Variants in PRKAR2B observed in about 807,000 individuals in gnomAD.
PRKAR2B encodes protein kinase cAMP-dependent type II regulatory subunit beta, also known as cAMP-dependent protein kinase type II-beta regulatory subunit.
Under a neutral mutation model 49.9 loss-of-function variants are expected in PRKAR2B, and 14 were observed. The observed-to-expected ratio is 0.28, with a 90% CI of 0.19 to 0.44. PRKAR2B has a LOEUF of 0.44. Ranked by LOEUF, PRKAR2B falls within the 20% of genes least tolerant of loss-of-function variation. The probability of loss-of-function intolerance (pLI) is 1.00; values close to 1 mark genes in which losing one functional copy is unlikely to be tolerated. For synonymous variants in PRKAR2B, 196 were observed against 197.7 expected, an observed-to-expected ratio of 0.99 and a Z score of 0.07; for missense variants, 393 against 537.9, an observed-to-expected ratio of 0.73 and a Z score of 2.67.
At chr7:107,066,557 T>C (rs73413343) in intron 1 of PRKAR2B, 1 of 152,058 alleles carries the variant, frequency 6.6e-6, no homozygotes, top group Non-Finnish European at 1.5e-5. Flanking sequence ...GACAGGTACA[T>C]CCAAAGATGT....
intron 5 of PRKAR2B, among the ~76,000 whole-genome samples, chr7:107,141,743 CAG>C (rs2115640455): frequency 6.6e-6 from 1 of 152,238 alleles, no homozygotes; most frequent in East Asian, 1.9e-4. Flanking sequence ...AAATATTTCA[CAG>C]GGGCATAAGG....
Position 107,157,342 on chromosome 7 carries a change from GGGCGTGCTTCTGCTGGT to G in PRKAR2B, c.1123+19_1123+35del. On this transcript the variant is annotated intron_variant, in intron 10 of 10. Transcript: ENST00000265717. Reference sequence around the variant, plus strand: ...ATGTTTAGGTAGGGATTGCAACAGTGGGCGTGCTTCTGCTGGTTGAACTTATGTCTGCATTTTATGTA... The same window carrying G: ...ATGTTTAGGTAGGGATTGCAACAGTGTGAACTTATGTCTGCATTTTATGTA... 6.2e-7 allele frequency: 1 copy of G among 1,600,310 alleles called. No individual in the cohort carries two copies. The highest frequency in any genetic ancestry group is 8.5e-7 in the Non-Finnish European group (1 of 1,172,944).
chr7:107,081,093 G>A (rs1236339315), intron 2 of PRKAR2B, among the ~76,000 whole-genome samples: 3 of 152,160 alleles, frequency 2.0e-5, no homozygotes, highest in African/African-American at 7.2e-5. Context: ...TAATTTTAGT[G>A]TCTCTTCTTT....
chr7:107,064,294 C>T (rs879389952), intron 1 of PRKAR2B, among the ~76,000 whole-genome samples: 2 of 152,116 alleles, frequency 1.3e-5, no homozygotes, highest in Non-Finnish European at 2.9e-5. Flanking sequence ...TTTAATCATT[C>T]TATTACTTTC....
chr7:107,080,083 G>A (rs867826319), intron 2 of PRKAR2B, among the ~76,000 whole-genome samples: 4 of 152,204 alleles, frequency 2.6e-5, no homozygotes, highest in African/African-American at 4.8e-5. Context: ...GACTGCCTAC[G>A]ATGGTGGCAC....
rs889948047 is a variant in PRKAR2B, at chr7:107,144,053, C to T, written c.588-2255C>T. Among the ~76,000 whole-genome samples the T allele has an allele frequency of 6.3e-5, 9 of 143,516 alleles. No homozygotes were observed. The South Asian group carries it at 6.7e-4, about 11-fold the overall frequency. The allele number at this position is 143,516 out of a possible 152,430, so 94.2% of individuals were successfully genotyped here. ...AATGACATTGAAAACCAATTCTTTT[C>T]TTATTTATTTATTTATTTATTTATT... On this transcript the variant is annotated intron_variant, in intron 5 of 10. Transcript: ENST00000265717.
chr7:107,131,991 C>CT (rs1795612091), intron 4 of PRKAR2B, among the ~76,000 whole-genome samples: 1 of 152,026 alleles, frequency 6.6e-6, no homozygotes, highest in Admixed American at 6.6e-5. Flanking sequence ...GGTTGTTGTC[C>CT]TTTTGGAATT....
intron 6 of PRKAR2B, among the ~76,000 whole-genome samples, chr7:107,149,372 G>A (rs918978161): frequency 1.2e-4 from 18 of 152,096 alleles, no homozygotes; most frequent in African/African-American, 3.9e-4. Context: ...AGAATGGGTG[G>A]CTTAAGCAGC....
chr7:107,126,087 TA>T (rs34333619), intron 3 of PRKAR2B, among the ~76,000 whole-genome samples: 219 of 82,262 alleles, frequency 2.7e-3, no homozygotes, highest in African/African-American at 8.5e-3. Flanking sequence ...GACTGTGTCT[TA>T]AAAAAAAAAA....
chr7:107,111,638 G>A (rs2116824517), intron 2 of PRKAR2B, among the ~76,000 whole-genome samples: 1 of 152,246 alleles, frequency 6.6e-6, no homozygotes, highest in East Asian at 1.9e-4. Context: ...ATTTTTAAAT[G>A]ACTACATAGA....
At chr7:107,100,711 T>TC (rs1400803284) in intron 2 of PRKAR2B, among the ~76,000 whole-genome samples, 1 of 152,164 alleles carries the variant, frequency 6.6e-6, no homozygotes, top group Non-Finnish European at 1.5e-5. Context: ...TTGAATAATT[T>TC]CCCTTAATCT....
At chr7:107,110,081 A>G (rs1039025790) in intron 2 of PRKAR2B, among the ~76,000 whole-genome samples, 1 of 152,214 alleles carries the variant, frequency 6.6e-6, no homozygotes, top group African/African-American at 2.4e-5. Flanking sequence ...CGCATGGTGC[A>G]GAGAGATAAT....
intron 2 of PRKAR2B, among the ~76,000 whole-genome samples, chr7:107,102,048 A>T (rs114199576): frequency 6.6e-6 from 1 of 152,102 alleles, no homozygotes; most frequent in African/African-American, 2.4e-5. Context: ...TCAGAACACG[A>T]TACAAAAAAT....
At chr7:107,045,784 A>T (rs770256460) in intron 1 of PRKAR2B, among the ~76,000 whole-genome samples, 1 of 152,198 alleles carries the variant, frequency 6.6e-6, no homozygotes, top group Non-Finnish European at 1.5e-5. Flanking sequence ...AGAGTTATCT[A>T]TTATTTTCCA....
At chr7:107,142,708 C>T (rs1056569159) in intron 5 of PRKAR2B, among the ~76,000 whole-genome samples, 4 of 151,972 alleles carry the variant, frequency 2.6e-5, no homozygotes, top group East Asian at 3.9e-4. Context: ...TCTTGCCTGC[C>T]GGAGGCCTTG....
At chr7:107,095,096 C>T (rs1562854868) in intron 2 of PRKAR2B, among the ~76,000 whole-genome samples, 1 of 152,154 alleles carries the variant, frequency 6.6e-6, no homozygotes, top group African/African-American at 2.4e-5. Flanking sequence ...TTACCTTGGG[C>T]AGTATGGCCA....
intron 3 of PRKAR2B, among the ~76,000 whole-genome samples, chr7:107,124,647 T>A (rs752381972): frequency 2.6e-5 from 4 of 152,234 alleles, no homozygotes; most frequent in Non-Finnish European, 5.9e-5. Context: ...CTTGAACTCC[T>A]GGCCTCAAGT....
chr7:107,091,278 G>C (rs779945282), intron 2 of PRKAR2B, among the ~76,000 whole-genome samples: 4 of 152,138 alleles, frequency 2.6e-5, no homozygotes, highest in Non-Finnish European at 5.9e-5. Context: ...AAATTCAAAG[G>C]CATTTATAAT....
intron 1 of PRKAR2B, among the ~76,000 whole-genome samples, chr7:107,050,829 C>A (rs569968729): frequency 6.6e-6 from 1 of 152,142 alleles, no homozygotes; most frequent in East Asian, 1.9e-4. Context: ...ATTCGTCTTA[C>A]ATTTACTCTC....
Sources: gnomAD v4.1 joint callset for allele counts (sites outside exome capture counted in the v4.1 genomes callset) on GRCh38, gnomAD v4.1.1 for gene constraint, MANE v1.5 for transcripts, NCBI Gene and HGNC (gene_info 2026-07-23, HGNC 2026-07-21) for gene names.